PPFIA1: variants seen among roughly 807,000 people sequenced by gnomAD.
PPFIA1 encodes the protein PPFI scaffold protein A1, also known as liprin-alpha-1.
A neutral mutation model predicts 149.9 loss-of-function variants in PPFIA1; 25 were observed. The ratio of observed to expected loss-of-function variants is 0.17; its 90% CI spans 0.12 to 0.23. The LOEUF is 0.23. Ranked by LOEUF, PPFIA1 falls within the 10% of genes least tolerant of loss-of-function variation. PPFIA1 has a pLI of 1.00. For synonymous variants in PPFIA1, 549 were observed against 552.8 expected (o/e 0.99, Z 0.10); for missense variants, 1,362 against 1,506.5 (o/e 0.90, Z 1.59).
In PPFIA1 at chr11:70,362,090, T is replaced by G; in HGVS notation, c.2583-5T>G. 6.2e-7 allele frequency: 1 copy of G among 1,613,512 alleles called. No individual in the cohort carries two copies. The highest frequency in any genetic ancestry group is 8.5e-7 in the Non-Finnish European group (1 of 1,179,512). The stretch of plus-strand genomic sequence containing the variant: ...CTTTAATTTTCAATATCTTCTCCTT[T>G]ATAGGCATGAATTGCTGGAGGAAGC... On this transcript the variant is annotated splice_polypyrimidine_tract_variant and splice_region_variant and intron_variant, in intron 19 of 27. Coordinates refer to ENST00000253925, the MANE Select transcript of PPFIA1 (RefSeq NM_003626.5).
intron 21 of PPFIA1, 152 bp downstream of exon 21, chr11:70,362,640 T>C (rs2056720599): frequency 1.5e-6 from 1 of 670,198 alleles, no homozygotes; most frequent in Non-Finnish European, 2.2e-6. Flanking sequence ...ATTAGAACTT[T>C]TAATTTTGGG....
chr11:70,336,086 A>G (rs1156508050), intron 11 of PPFIA1, among the ~76,000 whole-genome samples: 1 of 152,222 alleles, frequency 6.6e-6, no homozygotes, highest in African/African-American at 2.4e-5. Flanking sequence ...CTATGTTCCA[A>G]TAAAATTCAT....
Position 70,270,692 on chromosome 11 carries a change from A to ACGCCGGCGCCGCGCAGCCGGGCCCG in PPFIA1, c.-221_-197dup, listed in dbSNP as rs1217233428. 3.3e-5 allele frequency: 5 copies of ACGCCGGCGCCGCGCAGCCGGGCCCG among 150,708 alleles called. No homozygotes were observed. The highest frequency in any genetic ancestry group is 1.2e-4 in the African/African-American group (5 of 40,978). 9.3% of individuals were successfully genotyped at this position (150,708 alleles called of 1,614,324 possible). On this transcript the variant is annotated 5_prime_UTR_variant, in exon 1 of 28. Transcript: ENST00000253925. Reference sequence around the variant, plus strand: ...GACGCGCTCGACGTCGGGCACGTAGACGCCGGCGCCGCGCAGCCGGGCCCG... The same window carrying ACGCCGGCGCCGCGCAGCCGGGCCCG: ...GACGCGCTCGACGTCGGGCACGTAGACGCCGGCGCCGCGCAGCCGGGCCCGCGCCGGCGCCGCGCAGCCGGGCCCG...
chr11:70,377,840 A>G (rs2057548428), intron 25 of PPFIA1, among the ~76,000 whole-genome samples, 190 bp from the exon 26 acceptor site: 1 of 152,206 alleles, frequency 6.6e-6, no homozygotes, highest in South Asian at 2.1e-4. Context: ...CAGCCGGACC[A>G]TCACCATGCC....
chr11:70,273,788 A>G (rs1342677573), intron 2 of PPFIA1, among the ~76,000 whole-genome samples: 1 of 152,226 alleles, frequency 6.6e-6, no homozygotes, highest in East Asian at 1.9e-4. Context: ...TATTACTACA[A>G]TTTTAAAAGA....
At chr11:70,291,748 C>T (rs2051537855) in intron 2 of PPFIA1, among the ~76,000 whole-genome samples, 1 of 152,096 alleles carries the variant, frequency 6.6e-6, no homozygotes, top group Non-Finnish European at 1.5e-5. Flanking sequence ...CAGCTCACCA[C>T]AGCCTCCACC....
intron 15 of PPFIA1, among the ~76,000 whole-genome samples, chr11:70,346,253 A>C (rs971590389): frequency 6.6e-6 from 1 of 151,964 alleles, no homozygotes; most frequent in South Asian, 2.1e-4. Flanking sequence ...GGCTAGCCTG[A>C]ATCCAAGGGA....
chr11:70,367,541 G>T (rs962206724), intron 21 of PPFIA1: 6 of 455,996 alleles, frequency 1.3e-5, no homozygotes, highest in South Asian at 4.6e-5. Context: ...TGTGCAGTGG[G>T]TGTCTCTTCT....
chr11:70,271,118 C>G (rs568776845), intron 1 of PPFIA1: 2 of 151,864 alleles, frequency 1.3e-5, no homozygotes, highest in Admixed American at 1.3e-4. Context: ...CCGGGGACTG[C>G]GCGCTGCCCC....
At chr11:70,313,674 C>T (rs1476151767) in intron 2 of PPFIA1, among the ~76,000 whole-genome samples, 1 of 152,080 alleles carries the variant, frequency 6.6e-6, no homozygotes, top group Non-Finnish European at 1.5e-5. Flanking sequence ...ATGTCCACTG[C>T]GTGAGAGCTT....
chr11:70,324,335 G>A, intron 2 of PPFIA1, 67 bp from the exon 3 acceptor site: 1 of 1,216,776 alleles, frequency 8.2e-7, no homozygotes, highest in Non-Finnish European at 1.2e-6. Context: ...AGACTGTGGA[G>A]CCTTGATGAA....
intron 15 of PPFIA1, 93 bp from the exon 16 acceptor site, chr11:70,348,092 CTCAT>C (rs2055826243): frequency 1.1e-6 from 1 of 951,278 alleles, no homozygotes; most frequent in African/African-American, 1.6e-5. Flanking sequence ...CTGGAGTTTA[CTCAT>C]AGTAATACAG....
At position 70,285,039 on chromosome 11, in the gene PPFIA1, C is replaced by A. The variant is rs554289495; in HGVS notation, c.264+12603C>A. Among the ~76,000 whole-genome samples the A allele has an allele frequency of 5.3e-5, 8 of 152,228 alleles. 1 individual carries two copies. The South Asian group carries it at 1.7e-3, about 32-fold the overall frequency. Reference sequence around the variant, plus strand: ...TTTCTTTATTTAAGATGGAGTCTTACACTGTTGCCCAAGCTGTAGTGCACT... The same window carrying A: ...TTTCTTTATTTAAGATGGAGTCTTAAACTGTTGCCCAAGCTGTAGTGCACT... On this transcript the variant is annotated intron_variant, in intron 2 of 27. Coordinates refer to ENST00000253925, the MANE Select transcript of PPFIA1 (RefSeq NM_003626.5).
At chr11:70,371,954 T>TA (rs1226479526) in intron 21 of PPFIA1, 3 of 279,546 alleles carry the variant, frequency 1.1e-5, no homozygotes, top group African/African-American at 6.6e-5. Context: ...TATAGCCAGT[T>TA]ACAGTTTTTT....
chr11:70,277,950 C>T (rs1591022690), intron 2 of PPFIA1, among the ~76,000 whole-genome samples: 1 of 152,040 alleles, frequency 6.6e-6, no homozygotes. Context: ...CTCGCTCTGT[C>T]GCCGGTCTGG....
In PPFIA1 at chr11:70,333,483, A is replaced by G; in HGVS notation, c.1226A>G (p.His409Arg). ...VAALSKAEER[H>R]GNIEERLRQM... Reference sequence around the variant, plus strand: ...TTCTGCTGACAGGCTGAAGAGAGACACGGCAACATTGAAGAAAGGTTACGA... The same window carrying G: ...TTCTGCTGACAGGCTGAAGAGAGACGCGGCAACATTGAAGAAAGGTTACGA... Residue 409 changes from histidine (H) to arginine (R), a missense_variant, in exon 10 of 28, where the codon CAC becomes CGC. His to Arg is a conservative substitution (Grantham distance 29). Coordinates refer to ENST00000253925, the MANE Select transcript of PPFIA1 (RefSeq NM_003626.5). 1 of 1,613,086 alleles carries G rather than the reference A, an allele frequency of 6.2e-7. No individual in the cohort carries two copies. The highest frequency in any genetic ancestry group is 8.5e-7 in the Non-Finnish European group (1 of 1,179,620).
At chr11:70,283,738 T>C (rs1391455989) in intron 2 of PPFIA1, among the ~76,000 whole-genome samples, 2 of 118,610 alleles carry the variant, frequency 1.7e-5, no homozygotes, top group Non-Finnish European at 1.6e-5. Flanking sequence ...GACAGCCGAG[T>C]GGCAGATACC....
At chr11:70,329,705 T>G (rs553699730) in intron 7 of PPFIA1, among the ~76,000 whole-genome samples, 23 of 152,238 alleles carry the variant, frequency 1.5e-4, no homozygotes, top group African/African-American at 4.8e-4. Context: ...CCAAGGAGGA[T>G]CTCTTGAGCC....
At chr11:70,357,338 TAGAGGC>T (rs1355304272) in intron 19 of PPFIA1, among the ~76,000 whole-genome samples, 1 of 152,202 alleles carries the variant, frequency 6.6e-6, no homozygotes, top group Non-Finnish European at 1.5e-5. Context: ...CCCTCTCCCC[TAGAGGC>T]CCCTTTGCCT....
Sources: allele counts gnomAD v4.1 joint callset (sites outside exome capture counted in the v4.1 genomes callset), GRCh38; gene constraint gnomAD v4.1.1; transcripts MANE v1.5; gene names NCBI Gene and HGNC (gene_info 2026-07-23, HGNC 2026-07-21).